PCCA: variants seen among roughly 807,000 people sequenced by gnomAD.
PCCA encodes the protein propionyl-CoA carboxylase alpha chain, mitochondrial.
In PCCA, 74 loss-of-function variants were observed where a neutral mutation model predicts 101.3. The observed-to-expected ratio is 0.73, with a 90% CI of 0.61 to 0.89. The LOEUF (loss-of-function observed/expected upper bound fraction) is 0.89. PCCA is among the 40% of genes least tolerant of loss of function. The pLI is 0.00. For synonymous variants in PCCA, 294 were observed against 313.6 expected (o/e 0.94, Z 0.66); for missense variants, 891 against 907.0 (o/e 0.98, Z 0.23).
chr13:100,212,051 T>C (rs1179623066), intron 7 of PCCA, among the ~76,000 whole-genome samples: 1 of 152,226 alleles, frequency 6.6e-6, no homozygotes, highest in Non-Finnish European at 1.5e-5. Context: ...ATTGCCACTT[T>C]TCTGACCAAT....
intron 18 of PCCA, among the ~76,000 whole-genome samples, chr13:100,365,854 A>G (rs1212861794): frequency 1.3e-5 from 2 of 152,220 alleles, no homozygotes. Flanking sequence ...ACTGAGACAG[A>G]CAGTTTGCTC....
chr13:100,111,696 A>C, intron 2 of PCCA, 145 bp from the exon 3 acceptor site: 1 of 634,942 alleles, frequency 1.6e-6, no homozygotes, highest in South Asian at 1.9e-5. Flanking sequence ...TACTGTAAGT[A>C]ATATAGTATT....
chr13:100,496,861 C>A (rs976592161), intron 21 of PCCA, among the ~76,000 whole-genome samples: 1 of 152,122 alleles, frequency 6.6e-6, no homozygotes, highest in Non-Finnish European at 1.5e-5. Context: ...GGGGAGGATA[C>A]TGTAGAAGGA....
chr13:100,370,074 C>CCT (rs745392773), intron 19 of PCCA, among the ~76,000 whole-genome samples: 5 of 74,640 alleles, frequency 6.7e-5, no homozygotes, highest in Non-Finnish European at 1.1e-4. Flanking sequence ...GCTGTTACTT[C>CCT]TTTTTTTTTT....
intron 6 of PCCA, among the ~76,000 whole-genome samples, chr13:100,169,708 T>TTTA (rs2055436922): frequency 6.7e-6 from 1 of 149,744 alleles, no homozygotes; most frequent in African/African-American, 2.5e-5. Context: ...CTGTATTTTT[T>TTTA]TTTTTTTTTG....
At chr13:100,456,548 G>C (rs1044595018) in intron 21 of PCCA, among the ~76,000 whole-genome samples, 39 of 152,298 alleles carry the variant, frequency 2.6e-4, no homozygotes, top group African/African-American at 8.4e-4. Flanking sequence ...CTGAGTACAA[G>C]ACCAGGGGGC....
At chr13:100,523,781 T>C (rs2087495312) in intron 22 of PCCA, among the ~76,000 whole-genome samples, 1 of 152,238 alleles carries the variant, frequency 6.6e-6, no homozygotes, top group Non-Finnish European at 1.5e-5. Context: ...TCAGGCCCAC[T>C]AGGTTCATCA....
intron 16 of PCCA, among the ~76,000 whole-genome samples, chr13:100,312,319 GAA>G (rs2066984788): frequency 6.6e-6 from 1 of 152,160 alleles, no homozygotes; most frequent in African/African-American, 2.4e-5. Flanking sequence ...TTGGTCCTTT[GAA>G]AGTAACTAGT....
chr13:100,121,254 G>A (rs1415434972), intron 4 of PCCA, among the ~76,000 whole-genome samples: 3 of 148,216 alleles, frequency 2.0e-5, no homozygotes, highest in South Asian at 4.3e-4. Context: ...CCTCCCGGGG[G>A]TCAAGTGATT....
At chr13:100,343,905 T>G (rs1487431480) in intron 18 of PCCA, among the ~76,000 whole-genome samples, 1 of 152,132 alleles carries the variant, frequency 6.6e-6, no homozygotes, top group South Asian at 2.1e-4. Context: ...CGAAACCCTG[T>G]CTGTACTAAA....
chr13:100,131,361 A>G lies in PCCA; in HGVS notation c.300+19300A>G, dbSNP rs865932082. 1.1e-4 allele frequency among the ~76,000 whole-genome samples: 17 copies of G among 152,162 alleles called. 1 individual carries two copies. Among genetic ancestry groups the G allele is most frequent in the South Asian group, 1.0e-3 (5 of 4,812 alleles). On this transcript the variant is annotated intron_variant, in intron 4 of 23. Transcript: ENST00000376285. ...GGCTTAAGAACAGTTCTTAATCAAG[A>G]GCCGTGATTTCCAAGAACGAAGGGT...
chr13:100,516,762 A>AGTGTGTGTGTGTGTGTGTGTG lies in PCCA; in HGVS notation c.2040+1195_2040+1196insGTGTGTGTGTGTGTGTGTGTG, dbSNP rs1382893777. ...GTGTGTGTGTGTGTGTGTGTGTGTA[A>AGTGTGTGTGTGTGTGTGTGTG]TGTGTGTAAAATTCAGGGGAGGACA... On this transcript the variant is annotated intron_variant, in intron 22 of 23. Coordinates refer to ENST00000376285, the MANE Select transcript of PCCA (RefSeq NM_000282.4). Among the ~76,000 whole-genome samples, 13 of 109,232 alleles carry AGTGTGTGTGTGTGTGTGTGTG rather than the reference A, an allele frequency of 1.2e-4. 1 individual carries two copies. Among genetic ancestry groups the AGTGTGTGTGTGTGTGTGTGTG allele is most frequent in the Non-Finnish European group, 1.8e-4 (10 of 54,566 alleles). 71.7% of individuals were successfully genotyped at this position (109,232 alleles called of 152,430 possible).
At chr13:100,433,011 T>A (rs1002942469) in intron 20 of PCCA, among the ~76,000 whole-genome samples, 4 of 152,268 alleles carry the variant, frequency 2.6e-5, no homozygotes, top group Non-Finnish European at 5.9e-5. Context: ...ATTGTGTGAA[T>A]ATACTACATG....
At chr13:100,192,918 A>T (rs1465586959) in intron 6 of PCCA, among the ~76,000 whole-genome samples, 1 of 151,762 alleles carries the variant, frequency 6.6e-6, no homozygotes, top group African/African-American at 2.4e-5. Context: ...TATTGTTTTT[A>T]TTTTTTGGTA....
intron 21 of PCCA, among the ~76,000 whole-genome samples, chr13:100,468,071 C>T (rs1395159536): frequency 1.3e-5 from 2 of 152,154 alleles, no homozygotes; most frequent in African/African-American, 2.4e-5. Context: ...TGTATATCTC[C>T]GTCAGAGCTC....
chr13:100,330,793 G>C, intron 17 of PCCA, 122 bp downstream of exon 17: 1 of 671,984 alleles, frequency 1.5e-6, no homozygotes, highest in Non-Finnish European at 2.7e-6. Context: ...TTCATTTTTA[G>C]AACATGCAAG....
intron 7 of PCCA, among the ~76,000 whole-genome samples, chr13:100,213,965 G>A (rs1459786725): frequency 6.6e-6 from 1 of 152,098 alleles, no homozygotes; most frequent in East Asian, 1.9e-4. Context: ...CCGGTTCTCC[G>A]AGCACCATTT....
intron 19 of PCCA, among the ~76,000 whole-genome samples, chr13:100,405,854 A>G (rs772633724): frequency 1.4e-5 from 2 of 145,494 alleles, no homozygotes; most frequent in East Asian, 4.0e-4. Context: ...GCAACCTCCA[A>G]CTCCTGGGTT....
At chr13:100,525,092 G>A (rs889038494) in intron 22 of PCCA, among the ~76,000 whole-genome samples, 7 of 152,106 alleles carry the variant, frequency 4.6e-5, no homozygotes, top group South Asian at 2.1e-4. Flanking sequence ...TAGACACCAC[G>A]AGAGGAACTA....
Sources: gnomAD v4.1 joint callset for allele counts (sites outside exome capture counted in the v4.1 genomes callset) on GRCh38, gnomAD v4.1.1 for gene constraint, MANE v1.5 for transcripts, NCBI Gene and HGNC (gene_info 2026-07-23, HGNC 2026-07-21) for gene names.